DGKB: variants seen among roughly 807,000 people sequenced by gnomAD.
DGKB encodes the protein diacylglycerol kinase beta.
A neutral mutation model predicts 114.3 loss-of-function variants in DGKB; 67 were observed. The observed-to-expected ratio is 0.59, with a 90% CI of 0.48 to 0.72. The LOEUF (loss-of-function observed/expected upper bound fraction) is 0.72. DGKB is among the 30% of genes least tolerant of loss of function. DGKB has a pLI of 0.00. For synonymous variants in DGKB, 398 were observed against 323.1 expected (o/e 1.23, Z -2.49); for missense variants, 907 against 975.2 (o/e 0.93, Z 0.93).
intron 2 of DGKB, among the ~76,000 whole-genome samples, chr7:14,769,123 A>AAGAAAGAAAGAAAG: frequency 1.1e-5 from 1 of 89,172 alleles, no homozygotes; most frequent in South Asian, 3.4e-4. Flanking sequence ...GAAAGAAAGA[A>AAGAAAGAAAGAAAG]AGAGAGAGAG....
chr7:14,245,222 TAAGAG>T (rs1183580363), intron 23 of DGKB, among the ~76,000 whole-genome samples: 2 of 151,840 alleles, frequency 1.3e-5, no homozygotes, highest in Non-Finnish European at 2.9e-5. Context: ...TTAAGAATAA[TAAGAG>T]AAAAGACTAC....
chr7:14,463,040 T>C (rs1307902546), intron 21 of DGKB, among the ~76,000 whole-genome samples: 3 of 152,194 alleles, frequency 2.0e-5, no homozygotes, highest in Non-Finnish European at 4.4e-5. Flanking sequence ...GCCAGCCATA[T>C]GCAGGAAACT....
At chr7:14,754,899 T>A (rs2128442055) in intron 3 of DGKB, among the ~76,000 whole-genome samples, 1 of 152,272 alleles carries the variant, frequency 6.6e-6, no homozygotes, top group South Asian at 2.1e-4. Flanking sequence ...TCTAAGAGGA[T>A]GTTCCTCTCC....
intron 14 of DGKB, among the ~76,000 whole-genome samples, chr7:14,624,114 G>A (rs1053587960): frequency 3.3e-5 from 5 of 152,070 alleles, no homozygotes; most frequent in African/African-American, 7.2e-5. Flanking sequence ...AAATGTGTGT[G>A]TGTATGAAAA....
At chr7:14,932,197 GCACT>G (rs1460090988) in intron 1 of DGKB, among the ~76,000 whole-genome samples, 2 of 152,112 alleles carry the variant, frequency 1.3e-5, no homozygotes, top group East Asian at 3.9e-4. Flanking sequence ...CTGCAGAAAG[GCACT>G]CACTCTCTCT....
At chr7:14,719,699 C>T (rs1015106918) in intron 5 of DGKB, among the ~76,000 whole-genome samples, 1 of 152,116 alleles carries the variant, frequency 6.6e-6, no homozygotes, top group Non-Finnish European at 1.5e-5. Context: ...TGTAACTTTC[C>T]ATGAATACCT....
At chr7:14,796,961 C>G (rs1278227922) in intron 2 of DGKB, among the ~76,000 whole-genome samples, 1 of 152,108 alleles carries the variant, frequency 6.6e-6, no homozygotes, top group Admixed American at 6.6e-5. Context: ...ACTCACTTTT[C>G]TTTAATTAAT....
At chr7:14,170,146 AAAGAAAGAAAGAAAGAAAGAAAG>A (rs1485331939) in intron 25 of DGKB, among the ~76,000 whole-genome samples, 30 of 25,892 alleles carry the variant, frequency 1.2e-3, no homozygotes, top group African/African-American at 4.0e-3. Flanking sequence ...AAAAAAAAAA[AAAGAAAGAAAGAAAGAAAGAAAG>A]AAAGAAAGAA....
At chr7:14,661,907 G>T (rs867723450) in intron 13 of DGKB, among the ~76,000 whole-genome samples, 16 of 152,222 alleles carry the variant, frequency 1.1e-4, no homozygotes, top group African/African-American at 3.9e-4. Context: ...CCTTTGTAGG[G>T]ACATGGATGA....
chr7:14,213,705 T>C (rs188836784), intron 23 of DGKB, among the ~76,000 whole-genome samples: 107 of 152,264 alleles, frequency 7.0e-4, no homozygotes, highest in African/African-American at 2.5e-3. Flanking sequence ...TTATTCTGGT[T>C]GCTGTTATTG....
chr7:14,761,543 A>C (rs1368647343), intron 2 of DGKB, among the ~76,000 whole-genome samples: 1 of 152,196 alleles, frequency 6.6e-6, no homozygotes, highest in African/African-American at 2.4e-5. Context: ...ACACTGGGGC[A>C]GTGGAGAGGG....
chr7:14,694,528 C>T (rs932806372), intron 8 of DGKB, among the ~76,000 whole-genome samples: 4 of 152,200 alleles, frequency 2.6e-5, no homozygotes, highest in East Asian at 1.9e-4. Flanking sequence ...CATATATATG[C>T]CAGAAAATGT....
chr7:14,625,302 G>A (rs1032732004), intron 14 of DGKB, among the ~76,000 whole-genome samples: 2 of 152,030 alleles, frequency 1.3e-5, no homozygotes, highest in African/African-American at 4.8e-5. Context: ...CTTAAAAACA[G>A]GAGAGCCTCA....
intron 17 of DGKB, among the ~76,000 whole-genome samples, chr7:14,596,854 A>G (rs1441080760): frequency 6.6e-6 from 1 of 152,200 alleles, no homozygotes; most frequent in Non-Finnish European, 1.5e-5. Context: ...GAGCTGGCTT[A>G]ACTAACATTG....
rs527678010 is a variant in DGKB, at chr7:14,850,354, T to C, written c.-187-8904A>G. 2.0e-5 allele frequency among the ~76,000 whole-genome samples: 3 copies of C among 152,182 alleles called. No homozygotes were observed. In the East Asian group the frequency reaches 5.8e-4, roughly 29 times the overall value. Reference sequence around the variant, plus strand: ...AAATCGAGAGACTTTTTTTTTCTTGTAGAAATTACTGGAATCGATTTTAAA... The same window carrying C: ...AAATCGAGAGACTTTTTTTTTCTTGCAGAAATTACTGGAATCGATTTTAAA... On this transcript the variant is annotated intron_variant, in intron 1 of 25. Transcript: ENST00000402815.
chr7:14,620,608 A>G lies in DGKB; in HGVS notation c.1284+770T>C, dbSNP rs371342100. Among the ~76,000 whole-genome samples, 23 of 151,902 alleles carry G rather than the reference A, an allele frequency of 1.5e-4. 1 individual carries two copies. In the East Asian group the frequency reaches 1.9e-3, roughly 13 times the overall value. ...TTGAAGTATAGGCAGTTGGAACACA[A>G]AAACATAAGTAGAAAAACATACTTA... On this transcript the variant is annotated intron_variant, in intron 15 of 25. Transcript: ENST00000402815.
chr7:14,777,797 T>G (rs990173927), intron 2 of DGKB, among the ~76,000 whole-genome samples: 1 of 152,218 alleles, frequency 6.6e-6, no homozygotes, highest in East Asian at 1.9e-4. Flanking sequence ...CTAAAGGTAG[T>G]GTGAACGGGT....
chr7:14,746,799 A>G (rs1489489434), intron 4 of DGKB, among the ~76,000 whole-genome samples: 5 of 152,148 alleles, frequency 3.3e-5, no homozygotes, highest in African/African-American at 1.2e-4. Context: ...ATGCCCAGCC[A>G]ATTTGCCTTT....
At chr7:14,512,807 T>C (rs150481158) in intron 20 of DGKB, among the ~76,000 whole-genome samples, 5 of 152,236 alleles carry the variant, frequency 3.3e-5, no homozygotes, top group African/African-American at 9.6e-5. Flanking sequence ...CACCAGAAAT[T>C]ATAAAATCTC....
Sources: gnomAD v4.1 joint callset for allele counts (sites outside exome capture counted in the v4.1 genomes callset) on GRCh38, gnomAD v4.1.1 for gene constraint, MANE v1.5 for transcripts, NCBI Gene and HGNC (gene_info 2026-07-23, HGNC 2026-07-21) for gene names.